MCM10: variants seen among roughly 807,000 people sequenced by gnomAD.
MCM10 encodes minichromosome maintenance 10 replication initiation factor.
MCM10 carries 91 observed loss-of-function variants against 109.9 expected under a neutral mutation model. That is an observed-to-expected ratio of 0.83 (90% CI 0.70 to 0.99). The LOEUF is 0.99. Among genes scored for constraint, MCM10 ranks in the 50% least tolerant of loss-of-function variants. The probability of loss-of-function intolerance (pLI) is 0.00; values close to 1 mark genes in which losing one functional copy is unlikely to be tolerated. For synonymous variants in MCM10, 380 were observed against 387.2 expected, an observed-to-expected ratio of 0.98 and a Z score of 0.22; for missense variants, 1,077 against 1,061.2, an observed-to-expected ratio of 1.01 and a Z score of -0.21.
At chr10:13,201,844 T>C (rs1201800471) in intron 17 of MCM10, 4 of 289,012 alleles carry the variant, frequency 1.4e-5, no homozygotes, top group Admixed American at 9.4e-5. Flanking sequence ...CTTTCTCAGG[T>C]TTTGGCGTAT....
chr10:13,161,790 G>A (rs996443700), intron 1 of MCM10, among the ~76,000 whole-genome samples, 184 bp downstream of exon 1: 1 of 152,238 alleles, frequency 6.6e-6, no homozygotes, highest in Non-Finnish European at 1.5e-5. Context: ...TGGCCGGGCC[G>A]GGGGCTGGGA....
chr10:13,209,762 T>C lies in MCM10; in HGVS notation c.*452T>C. Reference sequence around the variant, plus strand: ...GGCTTCAGTTTTCTCATCTGTAAAATCAGGAAGATTGGACTAAGTGATCCT... The same window carrying C: ...GGCTTCAGTTTTCTCATCTGTAAAACCAGGAAGATTGGACTAAGTGATCCT... On this transcript the variant is annotated 3_prime_UTR_variant, in exon 20 of 20. Transcript: ENST00000378714. 6.2e-6 allele frequency: 1 copy of C among 160,876 alleles called. No homozygotes were observed. Among genetic ancestry groups the C allele is most frequent in the Non-Finnish European group, 1.4e-5 (1 of 73,502 alleles). 10.0% of individuals were successfully genotyped at this position (160,876 alleles called of 1,614,324 possible). A position where few individuals can be genotyped will look rare whatever the true frequency, so the allele number is the denominator to read the frequency against.
At chr10:13,197,211 T>C (rs12413406) in intron 14 of MCM10, among the ~76,000 whole-genome samples, 12,989 of 152,210 alleles carry the variant, frequency 0.085, 818 homozygotes, top group East Asian at 0.24. Flanking sequence ...TGAGCTACCA[T>C]GCCAAGCCCC....
rs1013288011 is a variant in MCM10, at chr10:13,172,864, C to G, written c.592+99C>G. On this transcript the variant is annotated intron_variant, in intron 5 of 19. Coordinates refer to ENST00000378714, the MANE Select transcript of MCM10 (RefSeq NM_018518.5). The surrounding 1 kb of genome is among the most constrained non-coding windows in gnomAD (Gnocchi z 5.2). Reference sequence around the variant, plus strand: ...TGGGTGTCTGTGTCTTTTGGTCTGTCTTATGTCCCCATTGAGAAAGAAAGT... The same window carrying G: ...TGGGTGTCTGTGTCTTTTGGTCTGTGTTATGTCCCCATTGAGAAAGAAAGT... 2.6e-6 allele frequency: 3 copies of G among 1,132,848 alleles called. No homozygotes were observed. Among genetic ancestry groups the G allele is most frequent in the Non-Finnish European group, 1.2e-6 (1 of 803,388 alleles). The allele number at this position is 1,132,848 out of a possible 1,614,324, so 70.2% of individuals were successfully genotyped here. A position where few individuals can be genotyped will look rare whatever the true frequency, so the allele number is the denominator to read the frequency against.
intron 13 of MCM10, among the ~76,000 whole-genome samples, chr10:13,193,541 C>T (rs963325982): frequency 6.6e-6 from 1 of 152,122 alleles, no homozygotes; most frequent in Non-Finnish European, 1.5e-5. Context: ...ATGTTGTGCT[C>T]TGGTGCTGAA....
Position 13,180,616 on chromosome 10 carries a change from T to C in MCM10, c.930+9T>C, listed in dbSNP as rs760481788. The C allele has an allele frequency of 3.1e-6, 5 of 1,613,198 alleles. No individual in the cohort carries two copies. The highest frequency in any genetic ancestry group is 3.3e-5 in the Admixed American group (2 of 59,752). The stretch of plus-strand genomic sequence containing the variant: ...CACAGAGTGTGAATAGTGTAAGCCA[T>C]TGTATTGGTTTCTTAGCTGTTTTAC... On this transcript the variant is annotated intron_variant, in intron 7 of 19. Coordinates refer to ENST00000378714, the MANE Select transcript of MCM10 (RefSeq NM_018518.5).
At chr10:13,184,667 G>T (rs1225754116) in intron 8 of MCM10, among the ~76,000 whole-genome samples, 1 of 152,166 alleles carries the variant, frequency 6.6e-6, no homozygotes, top group Non-Finnish European at 1.5e-5. Context: ...ACAAACTTAA[G>T]TATAGTTTCT....
intron 9 of MCM10, among the ~76,000 whole-genome samples, chr10:13,188,496 TTC>T (rs1201106745): frequency 6.6e-6 from 1 of 152,130 alleles, no homozygotes; most frequent in East Asian, 1.9e-4. Context: ...CTAATCTGCT[TTC>T]TGTCTCTATG....
intron 3 of MCM10, among the ~76,000 whole-genome samples, chr10:13,171,662 T>C (rs1834075108): frequency 6.6e-6 from 1 of 152,236 alleles, no homozygotes; most frequent in Non-Finnish European, 1.5e-5. Flanking sequence ...TGGCATCTCA[T>C]ACATGTTTAA....
At chr10:13,166,653 CATACATACATATATATATATATAT>C (rs1485388550) in intron 2 of MCM10, among the ~76,000 whole-genome samples, 1,375 of 45,526 alleles carry the variant, frequency 0.03, 59 homozygotes, top group African/African-American at 0.1. Context: ...AAAAAAAATA[CATACATACATATATATATATATAT>C]ATATATATAT....
intron 18 of MCM10, 33 bp downstream of exon 18, chr10:13,204,397 GT>G: frequency 1.2e-6 from 2 of 1,609,376 alleles, no homozygotes; most frequent in Non-Finnish European, 1.7e-6. Flanking sequence ...TTTGTCCCAC[GT>G]GGGGATTTTC....
chr10:13,178,892 C>T (rs571519464), intron 6 of MCM10, among the ~76,000 whole-genome samples: 57 of 152,218 alleles, frequency 3.7e-4, no homozygotes, highest in African/African-American at 1.3e-3. Context: ...GCATCAATGT[C>T]TTTTAGTTTT....
chr10:13,186,048 C>T (rs1834270406), intron 8 of MCM10, 116 bp from the exon 9 acceptor site: 2 of 642,008 alleles, frequency 3.1e-6, no homozygotes, highest in Non-Finnish European at 5.7e-6. Flanking sequence ...AGGTGTGAGC[C>T]ACTGCGCCTG....
chr10:13,189,943 A>G (rs1834325733), intron 10 of MCM10, among the ~76,000 whole-genome samples: 1 of 152,186 alleles, frequency 6.6e-6, no homozygotes, highest in Non-Finnish European at 1.5e-5. Flanking sequence ...TACACATAAA[A>G]TATATTAATG....
intron 3 of MCM10, among the ~76,000 whole-genome samples, chr10:13,171,956 G>A (rs554058032): frequency 1.3e-5 from 2 of 151,082 alleles, no homozygotes; most frequent in East Asian, 3.9e-4. Context: ...TTTATTTTTT[G>A]TAGATACAGG....
At chr10:13,167,812 G>A (rs1215206769) in intron 2 of MCM10, among the ~76,000 whole-genome samples, 1 of 152,192 alleles carries the variant, frequency 6.6e-6, no homozygotes, top group African/African-American at 2.4e-5. Flanking sequence ...ACATTGCCAT[G>A]TGAGGTGTGA....
At chr10:13,200,130 AT>A (rs957079707) in intron 16 of MCM10, among the ~76,000 whole-genome samples, 48 of 147,686 alleles carry the variant, frequency 3.3e-4, no homozygotes, top group Non-Finnish European at 3.9e-4. Flanking sequence ...TGACTGGCTA[AT>A]TTTTTTTTTT....
chr10:13,187,105 G>C (rs985450686), intron 9 of MCM10, among the ~76,000 whole-genome samples: 8 of 152,174 alleles, frequency 5.3e-5, no homozygotes, highest in Admixed American at 4.6e-4. Flanking sequence ...GCCCCAGAAA[G>C]AAACCCAGTA....
intron 2 of MCM10, among the ~76,000 whole-genome samples, chr10:13,170,062 A>T (rs956027768): frequency 2.0e-5 from 3 of 152,230 alleles, no homozygotes; most frequent in Admixed American, 1.3e-4. Context: ...TGAACCTGGA[A>T]TGCAGAGTAA....
Sources: allele counts gnomAD v4.1 joint callset (sites outside exome capture counted in the v4.1 genomes callset), GRCh38; gene constraint gnomAD v4.1.1; non-coding constraint Gnocchi (gnomAD v3.1); transcripts MANE v1.5; gene names NCBI Gene and HGNC (gene_info 2026-07-23, HGNC 2026-07-21).